Variants in SYNE1 observed in about 807,000 individuals in gnomAD.
The protein encoded by SYNE1 is spectrin repeat containing nuclear envelope protein 1.
Under a neutral mutation model 1,111.0 loss-of-function variants are expected in SYNE1, and 616 were observed. The observed-to-expected ratio is 0.55, with a 90% CI of 0.52 to 0.59. The LOEUF (loss-of-function observed/expected upper bound fraction) is 0.59. Ranked by LOEUF, SYNE1 falls within the 20% of genes least tolerant of loss-of-function variation. SYNE1 has a pLI of 0.00. For missense variants in SYNE1, 10,006 were observed against 10,417.0 expected (o/e 0.96, Z 1.72); for synonymous variants, 3,855 against 3,825.8 (o/e 1.01, Z -0.28).
intron 6 of SYNE1, among the ~76,000 whole-genome samples, chr6:152,514,786 A>C (rs1251660143): frequency 6.6e-6 from 1 of 152,108 alleles, no homozygotes; most frequent in Non-Finnish European, 1.5e-5. Flanking sequence ...CTTCCCCAGA[A>C]AACAACCCTG....
Position 152,308,565 on chromosome 6 carries a change from G to A in SYNE1, c.17270C>T (p.Ala5757Val), listed in dbSNP as rs766395351. 13 of 1,613,402 alleles carry A rather than the reference G, an allele frequency of 8.1e-6. No individual in the cohort carries two copies. Among genetic ancestry groups the A allele is most frequent in the African/African-American group, 2.7e-5 (2 of 74,672 alleles). The change falls in exon 91 of 146, where the codon GCT becomes GTT. Residue 5757 changes from alanine to valine, a missense_variant. Ala to Val is a moderately conservative substitution (Grantham distance 64, BLOSUM62 0). Around this residue, in one of 7 missense-constraint regions of SYNE1, gnomAD observed 4,955 missense variants for 5,017.2 expected, o/e 0.99. Coordinates refer to ENST00000367255, the MANE Select transcript of SYNE1 (RefSeq NM_182961.4). ...MKHLQQLIEG[A>V]HREIEDKPVA... The stretch of plus-strand genomic sequence containing the variant: ...AGGTTTATCCTCAATCTCTCTGTGA[G>A]CTCCTTCTATCAGTTGCTGGAGATG...
At chr6:152,582,291 C>G (rs1302961965) in intron 3 of SYNE1, among the ~76,000 whole-genome samples, 1 of 152,124 alleles carries the variant, frequency 6.6e-6, no homozygotes, top group Non-Finnish European at 1.5e-5. Context: ...TCTGGAAGTT[C>G]TCTTTCCCTT....
intron 129 of SYNE1, among the ~76,000 whole-genome samples, chr6:152,177,088 A>G (rs1333381629): frequency 6.6e-6 from 1 of 152,216 alleles, no homozygotes; most frequent in Non-Finnish European, 1.5e-5. Flanking sequence ...TAAAGAGATA[A>G]TCCTCTATAC....
chr6:152,348,489 A>T (rs1441082669), intron 72 of SYNE1, among the ~76,000 whole-genome samples: 1 of 152,194 alleles, frequency 6.6e-6, no homozygotes, highest in African/African-American at 2.4e-5. Context: ...GTTAGAGACC[A>T]GCCTGGCCAA....
chr6:152,312,936 A>G (rs1282227632), intron 87 of SYNE1, among the ~76,000 whole-genome samples: 1 of 152,176 alleles, frequency 6.6e-6, no homozygotes, highest in African/African-American at 2.4e-5. Flanking sequence ...TGTGGGGCAA[A>G]TCCAGAGTAA....
rs375854059 is a variant in SYNE1, at chr6:152,369,178, C to T, written c.9652-51G>A. The T allele has an allele frequency of 5.8e-4, 935 of 1,600,616 alleles. 4 individuals are homozygous for T. Among genetic ancestry groups the T allele is most frequent in the Middle Eastern group, 4.3e-4 (2 of 4,598 alleles). ...TCAGAGGCTGGGGAAAAGCACATCG[C>T]GGACGAAGCTTTGGCCCAGAGAACA... On this transcript the variant is annotated intron_variant, in intron 60 of 145. Transcript: ENST00000367255.
At chr6:152,195,192 A>G (rs1323146053) in intron 127 of SYNE1, among the ~76,000 whole-genome samples, 1 of 152,156 alleles carries the variant, frequency 6.6e-6, no homozygotes, top group Admixed American at 6.5e-5. Flanking sequence ...GAATTCTGGG[A>G]TTACAGGTGT....
intron 41 of SYNE1, among the ~76,000 whole-genome samples, chr6:152,415,813 A>AG (rs1292308577): frequency 4.7e-5 from 7 of 150,304 alleles, no homozygotes; most frequent in Admixed American, 6.6e-5. Flanking sequence ...AAAAAAAAAA[A>AG]AAGAAGAGGA....
At position 152,436,079 on chromosome 6, in the gene SYNE1, C is replaced by G; in HGVS notation, c.4172G>C (p.Ser1391Thr). The G allele has an allele frequency of 6.2e-7, 1 of 1,613,954 alleles. No individual in the cohort carries two copies. The highest frequency in any genetic ancestry group is 8.5e-7 in the Non-Finnish European group (1 of 1,179,980). ...QTKEFSKRTE[S>T]IAVQAENLVK... Reference sequence around the variant, plus strand: ...AAGGTTCTCAGCCTGGACTGCAATACTTTCTGTCCGTTTAGAAAACTCCTA... The same window carrying G: ...AAGGTTCTCAGCCTGGACTGCAATAGTTTCTGTCCGTTTAGAAAACTCCTA... Residue 1391 changes from serine to threonine, a missense_variant, in exon 33 of 146, where the codon AGT becomes ACT. By Grantham distance (58) the Ser-to-Thr change is moderately conservative (BLOSUM62 1). Around this residue, in one of 7 missense-constraint regions of SYNE1, gnomAD observed 1,971 missense variants for 2,084.1 expected, o/e 0.95. Coordinates refer to ENST00000367255, the MANE Select transcript of SYNE1 (RefSeq NM_182961.4).
chr6:152,148,091 A>C lies in SYNE1; in HGVS notation c.24930T>G (p.Gly8310=). The part of the protein sequence containing the change: ...SRALPSEDEE[G]QDDKDFYLRG... ...GGAGGTAGAAATCTTTGTCATCCTG[A>C]CCTTCTTCATCCTCAGAGGGCAGAG... Residue 8310 remains glycine, a synonymous_variant, in exon 137 of 146, where the codon GGT becomes GGG. Transcript: ENST00000367255. The surrounding 1 kb of genome is among the most constrained non-coding windows in gnomAD (Gnocchi z 4.1). 2 of 1,613,968 alleles carry C rather than the reference A, an allele frequency of 1.2e-6. No homozygotes were observed. Among genetic ancestry groups the C allele is most frequent in the Non-Finnish European group, 1.7e-6 (2 of 1,179,996 alleles).
chr6:152,450,017 G>C (rs1260650863), intron 27 of SYNE1, among the ~76,000 whole-genome samples: 1 of 152,194 alleles, frequency 6.6e-6, no homozygotes, highest in East Asian at 1.9e-4. Context: ...CAGTTTGGCT[G>C]TGTCGCCACC....
chr6:152,143,473 A>C (rs1446481181), intron 138 of SYNE1, 150 bp downstream of exon 138: 1 of 1,139,326 alleles, frequency 8.8e-7, no homozygotes, highest in Non-Finnish European at 1.3e-6. Flanking sequence ...ACTTAATAAC[A>C]GGGCTTGGCT....
Position 152,405,615 on chromosome 6 carries a change from T to C in SYNE1, c.6724-1301A>G, listed in dbSNP as rs191133109. 2.1e-3 allele frequency among the ~76,000 whole-genome samples: 314 copies of C among 152,346 alleles called. 1 individual carries two copies. The highest frequency in any genetic ancestry group is 7.2e-3 in the African/African-American group (301 of 41,582). On this transcript the variant is annotated intron_variant, in intron 45 of 145. Coordinates refer to ENST00000367255, the MANE Select transcript of SYNE1 (RefSeq NM_182961.4). ...TTTAAGTTTTAATAATGGTTGTTTTTAACAGTGGCTCCCAAAATTCCTGAA... is the reference window on the plus strand; with the variant it reads ...TTTAAGTTTTAATAATGGTTGTTTTCAACAGTGGCTCCCAAAATTCCTGAA...
At chr6:152,130,924 G>T in intron 144 of SYNE1, 146 bp from the exon 145 acceptor site, 1 of 767,582 alleles carries the variant, frequency 1.3e-6, no homozygotes, top group South Asian at 1.9e-5. Context: ...TAAGGAAACT[G>T]GCTTTTCTTT....
intron 3 of SYNE1, among the ~76,000 whole-genome samples, chr6:152,601,302 A>C (rs923553402): frequency 1.3e-5 from 2 of 152,246 alleles, no homozygotes; most frequent in African/African-American, 4.8e-5. Context: ...GCCATGATCA[A>C]TAGTAGACCT....
At chr6:152,186,234 G>A (rs75927788) in intron 128 of SYNE1, among the ~76,000 whole-genome samples, 9,520 of 152,174 alleles carry the variant, frequency 0.063, 464 homozygotes, top group African/African-American at 0.14. Flanking sequence ...CACAGGAGTT[G>A]TGGAATGTAA....
Position 152,373,139 on chromosome 6 carries a change from C to G in SYNE1, c.9405G>C (p.Leu3135=), listed in dbSNP as rs2097216973. The change falls in exon 59 of 146, where the codon CTG becomes CTC. Residue 3135 remains leucine (L), a synonymous_variant. Transcript: ENST00000367255. The part of the protein sequence containing the change: ...LSKGELLSTL[L]TKEKAKGIQA... ...GGATCCCTTTCGCTTTCTCTTTGGT[C>G]AGCAGGGTACTCAGAAGTTCCCCTT... 6.2e-7 allele frequency: 1 copy of G among 1,614,086 alleles called. No individual in the cohort carries two copies. The highest frequency in any genetic ancestry group is 8.5e-7 in the Non-Finnish European group (1 of 1,180,036).
chr6:152,572,268 G>T (rs556765651), intron 3 of SYNE1, among the ~76,000 whole-genome samples: 86 of 152,192 alleles, frequency 5.7e-4, no homozygotes, highest in Admixed American at 1.8e-3. Context: ...ACAAACCAAA[G>T]TATGTTCTAT....
chr6:152,187,889 C>T (rs2070702624), intron 128 of SYNE1, among the ~76,000 whole-genome samples: 1 of 151,982 alleles, frequency 6.6e-6, no homozygotes, highest in Non-Finnish European at 1.5e-5. Flanking sequence ...CCATCCGCGG[C>T]TAATTTTTGT....
Sources: allele counts gnomAD v4.1 joint callset (sites outside exome capture counted in the v4.1 genomes callset), GRCh38; gene constraint gnomAD v4.1.1; regional missense constraint gnomAD v4.1.1; non-coding constraint Gnocchi (gnomAD v3.1); transcripts MANE v1.5; gene names NCBI Gene and HGNC (gene_info 2026-07-23, HGNC 2026-07-21).